The following SLC25A46 variants were observed in gnomAD, a reference collection of about 807,000 sequenced individuals.
SLC25A46 encodes solute carrier family 25 member 46.
SLC25A46 carries 39 observed loss-of-function variants against 44.6 expected under a neutral mutation model. The observed-to-expected ratio is 0.87, with a 90% CI of 0.68 to 1.14. SLC25A46 has a LOEUF of 1.14. SLC25A46 is among the 50% of genes most tolerant of loss of function. The pLI, the probability that SLC25A46 is intolerant of heterozygous loss-of-function variation, is 0.00. For missense variants in SLC25A46, 547 were observed against 522.7 expected, an observed-to-expected ratio of 1.05 and a Z score of -0.45; for synonymous variants, 202 against 185.8, an observed-to-expected ratio of 1.09 and a Z score of -0.71.
In SLC25A46 at chr5:110,748,251, C is replaced by A; in HGVS notation, c.551C>A (p.Thr184Lys). ...GCAGAAGGCATAATTAGTGAATTTA[C>A]ACCTTTGCCAAGGTACCATTTTTAG... ...LGAEGIISEF[T>K]PLPREVLHKW... Residue 184 changes from threonine (T) to lysine (K), a missense_variant, in exon 5 of 8, where the codon ACA becomes AAA. Coordinates refer to ENST00000355943, the MANE Select transcript of SLC25A46 (RefSeq NM_138773.4). 6.2e-7 allele frequency: 1 copy of A among 1,612,986 alleles called. No individual in the cohort carries two copies. The highest frequency in any genetic ancestry group is 8.5e-7 in the Non-Finnish European group (1 of 1,179,122).
chr5:110,757,952 G>A (rs1800156844), intron 7 of SLC25A46, among the ~76,000 whole-genome samples: 1 of 152,102 alleles, frequency 6.6e-6, no homozygotes, highest in South Asian at 2.1e-4. Flanking sequence ...CATAAATTGT[G>A]AATAGTATTT....
chr5:110,756,242 T>TG (rs1189038078), intron 6 of SLC25A46: 1 of 152,020 alleles, frequency 6.6e-6, no homozygotes, highest in African/African-American at 2.4e-5. Flanking sequence ...TAATGTTTTT[T>TG]TTTTTTTTTA....
chr5:110,760,032 T>C (rs1199876214), intron 7 of SLC25A46, among the ~76,000 whole-genome samples: 1 of 152,166 alleles, frequency 6.6e-6, no homozygotes, highest in South Asian at 2.1e-4. Context: ...TGTGTACCTT[T>C]TTCTGTAATT....
chr5:110,756,696 C>T lies in SLC25A46; in HGVS notation c.621-6C>T. ...TATACTGATAAATTTGTTTTAATTT[C>T]TATAGCCTAACTTACGTGGTGGCAA... On this transcript the variant is annotated splice_region_variant and splice_polypyrimidine_tract_variant and intron_variant, in intron 6 of 7. Transcript: ENST00000355943. 6.4e-7 allele frequency: 1 copy of T among 1,570,240 alleles called. No individual in the cohort carries two copies. The highest frequency in any genetic ancestry group is 1.7e-4 in the Middle Eastern group (1 of 5,856).
At chr5:110,753,361 T>C (rs1212395698) in intron 5 of SLC25A46, 2 of 151,156 alleles carry the variant, frequency 1.3e-5, no homozygotes, top group African/African-American at 4.9e-5. Context: ...TAAAGACTGC[T>C]GAGACAGAGT....
rs759969724 is a variant in SLC25A46, at chr5:110,761,190, C to A, written c.679-14C>A. 1.3e-6 allele frequency: 2 copies of A among 1,563,054 alleles called. No individual in the cohort carries two copies. The highest frequency in any genetic ancestry group is 1.7e-6 in the Non-Finnish European group (2 of 1,153,432). ...AAATGTTAAGTTTTACTTATTTCATCATTTTTATTTCAGAGTGAGATAATT... is the reference window on the plus strand; with the variant it reads ...AAATGTTAAGTTTTACTTATTTCATAATTTTTATTTCAGAGTGAGATAATT... On this transcript the variant is annotated splice_polypyrimidine_tract_variant and intron_variant, in intron 7 of 7. Transcript: ENST00000355943. This position sits in a 1 kb window ranked among gnomAD's most constrained non-coding sequence, Gnocchi z 5.3.
intron 3 of SLC25A46, among the ~76,000 whole-genome samples, chr5:110,744,736 C>T (rs1349473710): frequency 6.6e-6 from 1 of 152,068 alleles, no homozygotes; most frequent in Admixed American, 6.5e-5. Flanking sequence ...TAAAATATGT[C>T]TGTCCTGAAA....
chr5:110,743,669 C>T lies in SLC25A46; in HGVS notation c.327-61C>T, dbSNP rs1446994334. On this transcript the variant is annotated intron_variant, in intron 2 of 7. Transcript: ENST00000355943. The stretch of plus-strand genomic sequence containing the variant: ...GGCAAGAATAATTTCAGAAAGATAC[C>T]TGTTGTAAATTTAATTTATCTCTAT... 9 of 891,920 alleles carry T rather than the reference C, an allele frequency of 1.0e-5. No individual in the cohort carries two copies. The Admixed American group carries it at 1.6e-4, about 16-fold the overall frequency. The allele number at this position is 891,920 out of a possible 1,614,324, so 55.3% of individuals were successfully genotyped here.
At chr5:110,743,351 C>G (rs1799737024) in intron 2 of SLC25A46, among the ~76,000 whole-genome samples, 1 of 151,968 alleles carries the variant, frequency 6.6e-6, no homozygotes, top group Admixed American at 6.6e-5. Context: ...GATAGGAATT[C>G]TGTTATTAGG....
chr5:110,762,381 A>G lies in SLC25A46; in HGVS notation c.*599A>G, dbSNP rs1800278655. The G allele has an allele frequency of 6.6e-6, 1 of 151,928 alleles. No individual in the cohort carries two copies. The allele number at this position is 151,928 out of a possible 1,614,324, so 9.4% of individuals were successfully genotyped here. On this transcript the variant is annotated 3_prime_UTR_variant, in exon 8 of 8. Transcript: ENST00000355943. ...ATGTATTTTATAAAGCCATTTATGT[A>G]TACACATGTAACTTGGAATTTCCTT...
chr5:110,750,137 A>G (rs534302153), intron 5 of SLC25A46, among the ~76,000 whole-genome samples: 1 of 151,830 alleles, frequency 6.6e-6, no homozygotes, highest in African/African-American at 2.4e-5. Context: ...TTCCAATGTG[A>G]TTGCTTTTGA....
At chr5:110,738,910 C>A, upstream of SLC25A46, 1 of 1,323,912 alleles carries the variant, frequency 7.6e-7, no homozygotes, top group Non-Finnish European at 1.0e-6. Context: ...GTTACCGCCG[C>A]GTCTCCCTAG....
rs1561611977 is a variant in SLC25A46, at chr5:110,763,955, A to G, written c.*2173A>G. 1 of 151,918 alleles carries G rather than the reference A, an allele frequency of 6.6e-6. No individual in the cohort carries two copies. The highest frequency in any genetic ancestry group is 2.4e-5 in the African/African-American group (1 of 41,426). The allele number at this position is 151,918 out of a possible 1,614,324, so 9.4% of individuals were successfully genotyped here. On this transcript the variant is annotated 3_prime_UTR_variant, in exon 8 of 8. Transcript: ENST00000355943. ...GCCAAATATGTTGCACTGAATTTTG[A>G]AAAGAATGAGTGAGATAACTGTAAG...
intron 7 of SLC25A46, among the ~76,000 whole-genome samples, chr5:110,757,860 G>A (rs951459431): frequency 2.6e-5 from 4 of 152,128 alleles, no homozygotes; most frequent in Admixed American, 6.6e-5. Flanking sequence ...TTTAGCTTGA[G>A]ACAGACCCAT....
intron 5 of SLC25A46, among the ~76,000 whole-genome samples, chr5:110,750,184 T>A (rs6873681): frequency 7.3e-6 from 1 of 136,126 alleles, no homozygotes; most frequent in African/African-American, 3.0e-5. Context: ...AAATAAACTT[T>A]GCTAAAACGT....
In SLC25A46 at chr5:110,761,757, C is replaced by A; in HGVS notation, c.1232C>A (p.Ser411Tyr). 6.2e-7 allele frequency: 1 copy of A among 1,610,734 alleles called. No homozygotes were observed. Residue 411 changes from serine to tyrosine, a missense_variant, in exon 8 of 8, where the codon TCT becomes TAT. Ser to Tyr is a moderately radical substitution (Grantham distance 144). Coordinates refer to ENST00000355943, the MANE Select transcript of SLC25A46 (RefSeq NM_138773.4). This position sits in a 1 kb window ranked among gnomAD's most constrained non-coding sequence, Gnocchi z 5.3. ...AVLQITKIIY[S>Y]TLLQNNI ...TTACAGATTACCAAAATTATTTACT[C>A]TACACTTCTTCAAAATAACATTTGA...
Position 110,761,066 on chromosome 5 carries a change from C to A in SLC25A46, c.679-138C>A. ...GAAAAAAAATCTGATGCCTAGATAA[C>A]AGTTAAAGTCTGCAAATCATGGATG... On this transcript the variant is annotated intron_variant, in intron 7 of 7. Coordinates refer to ENST00000355943, the MANE Select transcript of SLC25A46 (RefSeq NM_138773.4). The surrounding 1 kb of genome is among the most constrained non-coding windows in gnomAD (Gnocchi z 5.3). The A allele has an allele frequency of 3.0e-6, 2 of 673,604 alleles. No individual in the cohort carries two copies. The highest frequency in any genetic ancestry group is 5.0e-6 in the Non-Finnish European group (2 of 401,686). 41.7% of individuals were successfully genotyped at this position (673,604 alleles called of 1,614,324 possible). A position where few individuals can be genotyped will look rare whatever the true frequency, so the allele number is the denominator to read the frequency against.
chr5:110,738,978 C>A (rs543936823), upstream of SLC25A46: 17 of 1,455,228 alleles, frequency 1.2e-5, no homozygotes, highest in Non-Finnish European at 1.5e-5. Flanking sequence ...CCGAAGACTT[C>A]CGGGTTTCCA....
upstream of SLC25A46, chr5:110,738,895 T>A: frequency 8.4e-7 from 1 of 1,187,666 alleles, no homozygotes; most frequent in East Asian, 2.7e-5. Context: ...ACTTTTAAGG[T>A]CCAGGTTACC....
Sources: gnomAD v4.1 joint callset for allele counts (sites outside exome capture counted in the v4.1 genomes callset) on GRCh38, gnomAD v4.1.1 for gene constraint, Gnocchi (gnomAD v3.1) non-coding constraint, MANE v1.5 for transcripts, NCBI Gene and HGNC (gene_info 2026-07-23, HGNC 2026-07-21) for gene names.